SLC6A16: variants seen among roughly 807,000 people sequenced by gnomAD.
SLC6A16 encodes the protein solute carrier family 6 member 16.
In SLC6A16, 54 loss-of-function variants were observed where a neutral mutation model predicts 65.4. The observed-to-expected ratio is 0.83, with a 90% CI of 0.66 to 1.04. The LOEUF (loss-of-function observed/expected upper bound fraction) is 1.04, where lower values mean the gene tolerates loss of function less well. Ranked by LOEUF, SLC6A16 falls within the 50% of genes least tolerant of loss-of-function variation. SLC6A16 has a pLI of 0.00. For synonymous variants in SLC6A16, 330 were observed against 346.5 expected (o/e 0.95, Z 0.53); for missense variants, 816 against 914.0 (o/e 0.89, Z 1.38).
At chr19:49,327,722 G>A (rs186386693), upstream of SLC6A16, among the ~76,000 whole-genome samples, 198 of 152,340 alleles carry the variant, frequency 1.3e-3, 1 homozygote, top group Middle Eastern at 0.017. Context: ...TTTAGACAGG[G>A]TAGTCAAGAA....
Position 49,290,059 on chromosome 19 carries a change from A to G in SLC6A16, c.*64T>C. On this transcript the variant is annotated 3_prime_UTR_variant, in exon 12 of 12. Coordinates refer to ENST00000335875, the MANE Select transcript of SLC6A16 (RefSeq NM_014037.3). ...CAGGGAGATCAACAGTTGCAAGCTGATATTAAGAGTTGTCTATTGGATCTG... is the reference window on the plus strand; with the variant it reads ...CAGGGAGATCAACAGTTGCAAGCTGGTATTAAGAGTTGTCTATTGGATCTG... 4.7e-6 allele frequency: 7 copies of G among 1,498,224 alleles called. No homozygotes were observed. The highest frequency in any genetic ancestry group is 6.4e-6 in the Non-Finnish European group (7 of 1,098,762). 92.8% of individuals were successfully genotyped at this position (1,498,224 alleles called of 1,614,324 possible).
chr19:49,340,142 T>TC, the SLC6A16 span: 22 of 1,515,352 alleles, frequency 1.5e-5, no homozygotes, highest in East Asian at 7.0e-5. Context: ...TCCAGCCCCT[T>TC]CCCGCCCAAT....
chr19:49,325,765 G>T (rs562107529), upstream of SLC6A16, among the ~76,000 whole-genome samples: 185 of 152,266 alleles, frequency 1.2e-3, no homozygotes, highest in Non-Finnish European at 2.0e-3. Flanking sequence ...TATGTGAGTT[G>T]TATCTATCAA....
In SLC6A16 at chr19:49,311,187, G is replaced by A; in HGVS notation, c.161C>T (p.Ala54Val). 3 of 1,614,126 alleles carry A rather than the reference G, an allele frequency of 1.9e-6. No homozygotes were observed. The highest frequency in any genetic ancestry group is 1.1e-5 in the South Asian group (1 of 91,066). Residue 54 changes from alanine to valine, a missense_variant, in exon 2 of 12, where the codon GCC becomes GTC. Coordinates refer to ENST00000335875, the MANE Select transcript of SLC6A16 (RefSeq NM_014037.3). Reference sequence around the variant, plus strand: ...CCTGGCCTGAGCCTCTGCAACCCGGGCTGCTGAAACTTGGGCCTCTGAGGT... The same window carrying A: ...CCTGGCCTGAGCCTCTGCAACCCGGACTGCTGAAACTTGGGCCTCTGAGGT... The part of the protein sequence containing the change: ...SWTSEAQVSA[A>V]RVAEAQARTS...
At chr19:49,339,457 A>T in the SLC6A16 span, 1 of 1,580,684 alleles carries the variant, frequency 6.3e-7, no homozygotes, top group Non-Finnish European at 8.7e-7. This position sits in a 1 kb window ranked among gnomAD's most constrained non-coding sequence, Gnocchi z 4.5. Flanking sequence ...CTAAATCCCT[A>T]GATGGCCCTG....
the SLC6A16 span, among the ~76,000 whole-genome samples, chr19:49,331,013 G>A: frequency 3.3e-5 from 5 of 151,546 alleles, no homozygotes; most frequent in East Asian, 5.8e-4. Flanking sequence ...TTCGCTTCCC[G>A]AGACTGCTGT....
chr19:49,291,827 C>T (rs1249593262), intron 10 of SLC6A16, among the ~76,000 whole-genome samples: 2 of 152,036 alleles, frequency 1.3e-5, no homozygotes, highest in Admixed American at 6.6e-5. Context: ...AGGCTCTGCT[C>T]AAGCATCCTC....
upstream of SLC6A16, among the ~76,000 whole-genome samples, chr19:49,326,970 G>C (rs1970804827): frequency 6.6e-6 from 1 of 150,564 alleles, no homozygotes; most frequent in Non-Finnish European, 1.5e-5. Context: ...AGTAAGCCAA[G>C]ATCACACTAC....
the SLC6A16 span, chr19:49,339,586 G>T: frequency 6.9e-7 from 1 of 1,451,856 alleles, no homozygotes; most frequent in East Asian, 2.5e-5. The surrounding 1 kb of genome is among the most constrained non-coding windows in gnomAD (Gnocchi z 4.5). Flanking sequence ...CCAGCTTCAG[G>T]GAGCCCTGAT....
At chr19:49,335,267 G>A in the SLC6A16 span, 2 of 495,872 alleles carry the variant, frequency 4.0e-6, no homozygotes, top group African/African-American at 3.9e-5. The surrounding 1 kb of genome is among the most constrained non-coding windows in gnomAD (Gnocchi z 4.6). Flanking sequence ...TGAGTCCTTG[G>A]TGCCCACAAA....
chr19:49,331,250 G>A, the SLC6A16 span, among the ~76,000 whole-genome samples: 2 of 151,964 alleles, frequency 1.3e-5, no homozygotes, highest in African/African-American at 2.4e-5. Context: ...GTGCAATCAC[G>A]GCTCACTGCA....
At chr19:49,323,426 C>T (rs1419435742) in intron 1 of SLC6A16, among the ~76,000 whole-genome samples, 2 of 151,850 alleles carry the variant, frequency 1.3e-5, no homozygotes, top group Non-Finnish European at 2.9e-5. Context: ...AAAAGATAAC[C>T]CACAGAATGG....
intron 3 of SLC6A16, 93 bp downstream of exon 3, chr19:49,310,260 C>A: frequency 6.2e-7 from 1 of 1,603,162 alleles, no homozygotes; most frequent in South Asian, 1.1e-5. Context: ...AGGGATCTGA[C>A]CCATGGAGGT....
chr19:49,328,483 A>G (rs1237548683), upstream of SLC6A16, among the ~76,000 whole-genome samples: 1 of 152,208 alleles, frequency 6.6e-6, no homozygotes, highest in Non-Finnish European at 1.5e-5. Flanking sequence ...TAAAGATAGA[A>G]GCAGAGAGCC....
chr19:49,317,725 G>A (rs1870609942), intron 1 of SLC6A16, among the ~76,000 whole-genome samples: 1 of 151,778 alleles, frequency 6.6e-6, no homozygotes, highest in Non-Finnish European at 1.5e-5. Context: ...AGAATGGCGT[G>A]AACCCAGGAG....
intron 1 of SLC6A16, among the ~76,000 whole-genome samples, chr19:49,318,065 A>G (rs1371747166): frequency 6.6e-6 from 1 of 152,196 alleles, no homozygotes; most frequent in Non-Finnish European, 1.5e-5. Context: ...TACTCAACAG[A>G]AGGGAGCCAC....
At chr19:49,316,857 CAAA>C (rs34224524) in intron 1 of SLC6A16, among the ~76,000 whole-genome samples, 3,132 of 123,558 alleles carry the variant, frequency 0.025, 115 homozygotes, top group African/African-American at 0.08. Flanking sequence ...CCATCTCTAC[CAAA>C]AAAAAAAAAA....
intron 1 of SLC6A16, among the ~76,000 whole-genome samples, chr19:49,321,985 T>C (rs934069640): frequency 2.0e-5 from 3 of 150,888 alleles, no homozygotes; most frequent in Non-Finnish European, 4.4e-5. Context: ...TCACAGCAAA[T>C]GTCATACTTA....
rs191237298 is a variant in SLC6A16, at chr19:49,292,108, G to A, written c.1778+1115C>T. Among the ~76,000 whole-genome samples, 4 of 152,264 alleles carry A rather than the reference G, an allele frequency of 2.6e-5. No homozygotes were observed. The highest frequency in any genetic ancestry group is 1.9e-4 in the East Asian group (1 of 5,170). On this transcript the variant is annotated intron_variant, in intron 10 of 11. Coordinates refer to ENST00000335875, the MANE Select transcript of SLC6A16 (RefSeq NM_014037.3). This position sits in a 1 kb window ranked among gnomAD's most constrained non-coding sequence, Gnocchi z 4.3. ...GCTTTCACCAGGCGGGGTGGCTCAC[G>A]CATGTAATCCTAGCACTTTGGGAGG...
Sources: gnomAD v4.1 joint callset for allele counts (sites outside exome capture counted in the v4.1 genomes callset) on GRCh38, gnomAD v4.1.1 for gene constraint, Gnocchi (gnomAD v3.1) non-coding constraint, MANE v1.5 for transcripts, NCBI Gene and HGNC (gene_info 2026-07-23, HGNC 2026-07-21) for gene names.